Variants in LNPEP observed in about 807,000 individuals in gnomAD.
LNPEP encodes the protein leucyl and cystinyl aminopeptidase.
Under a neutral mutation model 120.6 loss-of-function variants are expected in LNPEP, and 64 were observed. The observed-to-expected ratio is 0.53, with a 90% confidence interval of 0.43 to 0.65. The LOEUF is 0.65. Among genes scored for constraint, LNPEP ranks in the 30% least tolerant of loss-of-function variants. The probability of loss-of-function intolerance (pLI) is 0.00; values close to 1 mark genes in which losing one functional copy is unlikely to be tolerated. For synonymous variants in LNPEP, 435 were observed against 425.4 expected (o/e 1.02, Z -0.28); for missense variants, 1,057 against 1,200.0 (o/e 0.88, Z 1.76).
At chr5:96,940,802 A>C (rs945432529) in intron 1 of LNPEP, among the ~76,000 whole-genome samples, 14 of 152,210 alleles carry the variant, frequency 9.2e-5, no homozygotes, top group African/African-American at 2.7e-4. Context: ...AGGTGAGGTC[A>C]GTGCAGCTAT....
chr5:97,001,650 A>G (rs528260962), intron 8 of LNPEP, among the ~76,000 whole-genome samples: 11 of 152,318 alleles, frequency 7.2e-5, no homozygotes, highest in African/African-American at 2.6e-4. Flanking sequence ...CACTTTCTTC[A>G]TTGGAAGATG....
At chr5:97,023,079 A>T (rs751020982) in intron 14 of LNPEP, among the ~76,000 whole-genome samples, 1 of 151,600 alleles carries the variant, frequency 6.6e-6, no homozygotes, top group Non-Finnish European at 1.5e-5. Flanking sequence ...CCCTCTCCCC[A>T]CCAGCCCCTG....
intron 13 of LNPEP, among the ~76,000 whole-genome samples, chr5:97,020,476 CCTT>C (rs995681006): frequency 1.3e-5 from 2 of 151,944 alleles, no homozygotes; most frequent in African/African-American, 4.8e-5. Flanking sequence ...TCATTTTGGT[CCTT>C]CTTATGTAGC....
intron 10 of LNPEP, 38 bp downstream of exon 10, chr5:97,006,271 A>G (rs1190792618): frequency 1.3e-6 from 2 of 1,535,536 alleles, no homozygotes; most frequent in Non-Finnish European, 1.8e-6. Context: ...TCTCTTTTGC[A>G]CTCTCAGGTG....
At chr5:96,996,637 A>G (rs1790522567) in intron 7 of LNPEP, 134 bp downstream of exon 7, 1 of 591,018 alleles carries the variant, frequency 1.7e-6, no homozygotes, top group Non-Finnish European at 3.0e-6. Context: ...GACTTTGGTT[A>G]TTGATATCTA....
intron 15 of LNPEP, 33 bp from the exon 16 acceptor site, chr5:97,026,584 A>G: frequency 6.3e-7 from 1 of 1,576,640 alleles, no homozygotes; most frequent in Non-Finnish European, 8.7e-7. Context: ...CATGAATAAT[A>G]ATTTTGGAGG....
Position 96,979,725 on chromosome 5 carries a change from G to T in LNPEP, c.607G>T (p.Val203Phe). 6.2e-7 allele frequency: 1 copy of T among 1,613,944 alleles called. No individual in the cohort carries two copies. The highest frequency in any genetic ancestry group is 8.5e-7 in the Non-Finnish European group (1 of 1,179,958). Residue 203 changes from valine to phenylalanine, a missense_variant, in exon 2 of 18, where the codon GTC becomes TTC. Physicochemically the swap from Val to Phe is conservative, Grantham distance 50 (BLOSUM62 -1). Transcript: ENST00000231368. The stretch of plus-strand genomic sequence containing the variant: ...GACAATTTCAGTTCAGGCTCTTCAG[G>T]TCACATGGAATATCATTCTTCATAG... ...SVTISVQALQ[V>F]TWNIILHSTG...
chr5:97,009,352 C>T (rs1028274589), intron 11 of LNPEP, among the ~76,000 whole-genome samples: 6 of 101,130 alleles, frequency 5.9e-5, no homozygotes, highest in Admixed American at 1.1e-4. Flanking sequence ...TATCTATCCT[C>T]ATATTAGGTA....
chr5:97,011,368 G>A (rs1006531741), intron 11 of LNPEP: 1 of 172,118 alleles, frequency 5.8e-6, no homozygotes, highest in Non-Finnish European at 1.2e-5. Context: ...GAGTAGCTGG[G>A]ACTACAGACA....
chr5:96,942,525 G>A (rs1789079416), intron 1 of LNPEP, among the ~76,000 whole-genome samples: 3 of 151,766 alleles, frequency 2.0e-5, no homozygotes, highest in Admixed American at 6.6e-5. Flanking sequence ...ATGTTGGCAC[G>A]TGCCTGAAAT....
At chr5:96,996,587 TGGAGTAATGAAAATGTTTCTA>T (rs1402119959) in intron 7 of LNPEP, 84 bp downstream of exon 7, 1 of 737,994 alleles carries the variant, frequency 1.4e-6, no homozygotes, top group Non-Finnish European at 2.4e-6. Flanking sequence ...TCTGTGCATC[TGGAGTAATGAAAATGTTTCTA>T]GGAAGGTATG....
At chr5:96,993,187 A>C in intron 5 of LNPEP, 52 bp downstream of exon 5, 3 of 1,336,562 alleles carry the variant, frequency 2.2e-6, no homozygotes, top group Non-Finnish European at 3.0e-6. Flanking sequence ...ACCTAGATTT[A>C]TTTTGTGAAT....
At position 97,036,918 on chromosome 5, in the gene LNPEP, A is replaced by G. The variant is rs1791581904; in HGVS notation, c.*8385A>G. 6.6e-6 allele frequency: 1 copy of G among 152,178 alleles called. No homozygotes were observed. Among genetic ancestry groups the G allele is most frequent in the Admixed American group, 6.6e-5 (1 of 15,258 alleles). The allele number at this position is 152,178 out of a possible 1,614,324, so 9.4% of individuals were successfully genotyped here. A position where few individuals can be genotyped will look rare whatever the true frequency, so the allele number is the denominator to read the frequency against. On this transcript the variant is annotated 3_prime_UTR_variant, in exon 18 of 18. Transcript: ENST00000231368. ...GTTAGTCATGGTAGTCATTAGTGATATTTCTGAACAGTTCTTAATTTAAAA... is the reference window on the plus strand; with the variant it reads ...GTTAGTCATGGTAGTCATTAGTGATGTTTCTGAACAGTTCTTAATTTAAAA...
At chr5:96,983,758 A>AT (rs1790179412) in intron 2 of LNPEP, among the ~76,000 whole-genome samples, 1 of 152,052 alleles carries the variant, frequency 6.6e-6, no homozygotes, top group African/African-American at 2.4e-5. Flanking sequence ...GTAATTGAGG[A>AT]TTTTTCTGTG....
rs769804110 is a variant in LNPEP, at chr5:97,024,652, C to G, written c.2693C>G (p.Ala898Gly). Residue 898 changes from alanine to glycine, a missense_variant, in exon 15 of 18, where the codon GCC (alanine) becomes GGC (glycine). Coordinates refer to ENST00000231368, the MANE Select transcript of LNPEP (RefSeq NM_005575.3). ...AAGAACAAAATACTAGAAGCACTTG[C>G]CAGCTCAGAGGATGTGCGGAAGCTT... ...AEKNKILEALASSEDVRKLYW... is the reference protein window; with the variant it reads ...AEKNKILEALGSSEDVRKLYW... The G allele has an allele frequency of 2.5e-6, 4 of 1,613,802 alleles. No homozygotes were observed. The Admixed American group carries it at 5.0e-5, about 20-fold the overall frequency.
intron 7 of LNPEP, among the ~76,000 whole-genome samples, chr5:96,997,803 C>T (rs191867927): frequency 3.3e-5 from 5 of 152,040 alleles, no homozygotes; most frequent in Admixed American, 3.3e-4. Context: ...TTAATGTGGC[C>T]AGGTTATAAT....
In LNPEP at chr5:96,986,526, C is replaced by CAA. The variant is rs1486386658; in HGVS notation, c.1000-13_1000-12insAA. The CAA allele has an allele frequency of 6.2e-7, 1 of 1,609,340 alleles. No individual in the cohort carries two copies. The highest frequency in any genetic ancestry group is 8.5e-7 in the Non-Finnish European group (1 of 1,177,306). The stretch of plus-strand genomic sequence containing the variant: ...CTATAGTTACAGAACTGTCTTTTCC[C>CAA]CTTTGCTTGTAGAAGTCATCAGTCG... On this transcript the variant is annotated splice_polypyrimidine_tract_variant and intron_variant, in intron 3 of 17. Coordinates refer to ENST00000231368, the MANE Select transcript of LNPEP (RefSeq NM_005575.3).
chr5:97,004,176 T>C (rs940633083), intron 9 of LNPEP, among the ~76,000 whole-genome samples: 4 of 152,366 alleles, frequency 2.6e-5, no homozygotes, highest in South Asian at 2.1e-4. Context: ...TAAGCATTTG[T>C]GTTTGTTACC....
chr5:97,004,129 G>T (rs1272086376), intron 9 of LNPEP, among the ~76,000 whole-genome samples: 1 of 152,188 alleles, frequency 6.6e-6, no homozygotes, highest in Non-Finnish European at 1.5e-5. Flanking sequence ...ATGAACCCGG[G>T]CTGCTTCATG....
Sources: gnomAD v4.1 joint callset for allele counts (sites outside exome capture counted in the v4.1 genomes callset) on GRCh38, gnomAD v4.1.1 for gene constraint, MANE v1.5 for transcripts, NCBI Gene and HGNC (gene_info 2026-07-23, HGNC 2026-07-21) for gene names.